AIM2: variants seen among roughly 807,000 people sequenced by gnomAD.
AIM2 encodes the protein absent in melanoma 2, also known as interferon-inducible protein AIM2.
AIM2 carries 30 observed loss-of-function variants against 27.7 expected under a neutral mutation model. The observed-to-expected ratio is 1.08, with a 90% CI of 0.81 to 1.47. The LOEUF (loss-of-function observed/expected upper bound fraction) is 1.47. Among genes scored for constraint, AIM2 ranks in the 40% most tolerant of loss-of-function variants. The pLI, the probability that AIM2 is intolerant of heterozygous loss-of-function variation, is 0.00. For synonymous variants in AIM2, 141 were observed against 145.3 expected, an observed-to-expected ratio of 0.97 and a Z score of 0.21; for missense variants, 358 against 411.3, an observed-to-expected ratio of 0.87 and a Z score of 1.12.
At chr1:159,105,397 G>T (rs1183790247) in intron 1 of AIM2, among the ~76,000 whole-genome samples, 2 of 152,182 alleles carry the variant, frequency 1.3e-5, no homozygotes, top group African/African-American at 4.8e-5. Flanking sequence ...CTCATAGCCT[G>T]CAACATAGTG....
At chr1:159,124,583 T>C (rs1647633911) in intron 1 of AIM2, among the ~76,000 whole-genome samples, 1 of 152,222 alleles carries the variant, frequency 6.6e-6, no homozygotes, top group Non-Finnish European at 1.5e-5. Context: ...AAACAGGAAC[T>C]GAAACGTAAG....
intron 1 of AIM2, chr1:159,122,227 T>C (rs78791623): frequency 0.04 from 6,037 of 152,224 alleles, 319 homozygotes; most frequent in African/African-American, 0.12. Context: ...AAAAGAAGAA[T>C]GTTTTGCTCA....
At chr1:159,094,904 T>C (rs1050849930) in intron 1 of AIM2, among the ~76,000 whole-genome samples, 1 of 152,168 alleles carries the variant, frequency 6.6e-6, no homozygotes, top group African/African-American at 2.4e-5. Flanking sequence ...TCTAGGCTGC[T>C]TATGCGAAAA....
At chr1:159,097,389 T>C (rs1462904245) in intron 1 of AIM2, among the ~76,000 whole-genome samples, 1 of 152,086 alleles carries the variant, frequency 6.6e-6, no homozygotes, top group Non-Finnish European at 1.5e-5. Flanking sequence ...CTCCCACTCT[T>C]TATTCCTTCC....
Position 159,073,372 on chromosome 1 carries a change from G to A in AIM2, c.128C>T (p.Ala43Val). The change falls in exon 2 of 6, where the codon GCA becomes GTA. Residue 43 changes from alanine to valine, a missense_variant. Coordinates refer to ENST00000368130, the MANE Select transcript of AIM2 (RefSeq NM_004833.3). ...FNIATGKLHTANRIQVATLMI... is the reference protein window; with the variant it reads ...FNIATGKLHTVNRIQVATLMI... The stretch of plus-strand genomic sequence containing the variant: ...CAAGGTAGCTACTTGTATTCTGTTT[G>A]CAGTATGTAGTTTGCCTGTGGCAAT... 2 of 1,614,176 alleles carry A rather than the reference G, an allele frequency of 1.2e-6. No homozygotes were observed. The highest frequency in any genetic ancestry group is 1.7e-6 in the Non-Finnish European group (2 of 1,180,044).
At chr1:159,103,861 C>T (rs192051086) in intron 1 of AIM2, among the ~76,000 whole-genome samples, 86 of 152,212 alleles carry the variant, frequency 5.7e-4, no homozygotes, top group Non-Finnish European at 6.3e-4. Context: ...AATTCACCCA[C>T]GCCAGCCAAA....
At chr1:159,096,097 G>A (rs1364944020) in intron 1 of AIM2, among the ~76,000 whole-genome samples, 2 of 152,190 alleles carry the variant, frequency 1.3e-5, no homozygotes, top group East Asian at 3.8e-4. Context: ...CCAGAGACAA[G>A]GGTGCTGGTT....
At chr1:159,090,267 A>T (rs1657015626) in intron 1 of AIM2, among the ~76,000 whole-genome samples, 1 of 152,216 alleles carries the variant, frequency 6.6e-6, no homozygotes, top group Non-Finnish European at 1.5e-5. Context: ...GACCCAACAT[A>T]AGACAACATT....
At chr1:159,062,966 GAGAT>G (rs1005985504) in intron 5 of AIM2, among the ~76,000 whole-genome samples, 1 of 152,170 alleles carries the variant, frequency 6.6e-6, no homozygotes, top group Non-Finnish European at 1.5e-5. Flanking sequence ...CACTCTTACA[GAGAT>G]AGCAGGCAGT....
At chr1:159,110,338 C>T (rs1283411448) in intron 1 of AIM2, among the ~76,000 whole-genome samples, 1 of 152,148 alleles carries the variant, frequency 6.6e-6, no homozygotes, top group Non-Finnish European at 1.5e-5. Context: ...AGGAGCCATC[C>T]TATGGCATCT....
At chr1:159,116,476 A>C (rs962539676) in intron 1 of AIM2, among the ~76,000 whole-genome samples, 4 of 152,350 alleles carry the variant, frequency 2.6e-5, no homozygotes, top group African/African-American at 9.6e-5. Context: ...AATGTGGCAC[A>C]TATACATCAT....
chr1:159,066,326 C>A lies in AIM2; in HGVS notation c.400G>T (p.Glu134Ter). 6.2e-7 allele frequency: 1 copy of A among 1,607,936 alleles called. No individual in the cohort carries two copies. Among genetic ancestry groups the A allele is most frequent in the African/African-American group, 1.3e-5 (1 of 74,486 alleles). The change falls in exon 4 of 6, where the codon GAA becomes TAA. Residue 134 changes from glutamate to a stop codon, truncating the protein, a stop_gained. Transcript: ENST00000368130. LOFTEE classifies it high-confidence loss of function. ...TGCTGGGCCACCATCTGTTTCTGTT[C>A]AGGCTGAAGACAAGAGAAGAAAGAT... ...APKVSPHVKP[E>*]QKQMVAQQES...
intron 2 of AIM2, 24 bp from the exon 3 acceptor site, chr1:159,068,725 G>A: frequency 6.2e-7 from 1 of 1,611,226 alleles, no homozygotes; most frequent in Non-Finnish European, 8.5e-7. Context: ...GAAAGACATG[G>A]CCAATAAGCA....
chr1:159,126,923 A>G (rs1647710925), intron 1 of AIM2, among the ~76,000 whole-genome samples: 1 of 152,248 alleles, frequency 6.6e-6, no homozygotes, highest in Admixed American at 6.5e-5. Flanking sequence ...ATGAACATAA[A>G]CTGTTGTATA....
intron 1 of AIM2, among the ~76,000 whole-genome samples, chr1:159,127,328 C>T (rs1468948222): frequency 6.6e-6 from 1 of 152,102 alleles, no homozygotes; most frequent in East Asian, 1.9e-4. Flanking sequence ...TGCACGGGGC[C>T]CTTAGGGTCG....
At position 159,105,410 on chromosome 1, in the gene AIM2, TG is replaced by T. The variant is rs202163465; in HGVS notation, c.-16+35020del. 9.5e-3 allele frequency among the ~76,000 whole-genome samples: 1,448 copies of T among 152,046 alleles called. 16 individuals carry two copies. Among genetic ancestry groups the T allele is most frequent in the African/African-American group, 0.033 (1,360 of 41,482 alleles). On this transcript the variant is annotated intron_variant, in intron 1 of 2. Transcript: ENST00000368129. ...TTCTCATAGCCTGCAACATAGTGAGTGGGGGGGCATGTTTCTGCCCTGTTTG... is the reference window on the plus strand; with the variant it reads ...TTCTCATAGCCTGCAACATAGTGAGTGGGGGGCATGTTTCTGCCCTGTTTG...
chr1:159,145,451 T>C (rs1648184522), upstream of AIM2, among the ~76,000 whole-genome samples: 1 of 152,158 alleles, frequency 6.6e-6, no homozygotes, highest in Admixed American at 6.5e-5. Flanking sequence ...CCCTTTCTCA[T>C]ACTTGAAGAG....
chr1:159,055,974 G>T, the AIM2 span, among the ~76,000 whole-genome samples: 1 of 152,156 alleles, frequency 6.6e-6, no homozygotes, highest in Admixed American at 6.5e-5. Context: ...CTTCTCGTTT[G>T]GGGTGTGTAC....
chr1:159,103,569 A>G (rs1048760002), intron 1 of AIM2, among the ~76,000 whole-genome samples: 3 of 152,190 alleles, frequency 2.0e-5, no homozygotes, highest in East Asian at 1.9e-4. Context: ...GAAGATTTTC[A>G]TAGTCCTCAA....
Sources: allele counts gnomAD v4.1 joint callset (sites outside exome capture counted in the v4.1 genomes callset), GRCh38; gene constraint gnomAD v4.1.1; transcripts MANE v1.5; gene names NCBI Gene and HGNC (gene_info 2026-07-23, HGNC 2026-07-21).